Variants in MYO5A observed in about 807,000 individuals in gnomAD.
MYO5A encodes unconventional myosin-Va.
Under a neutral mutation model 249.7 loss-of-function variants are expected in MYO5A, and 98 were observed. The observed-to-expected ratio is 0.39, with a 90% confidence interval of 0.33 to 0.46. MYO5A has a LOEUF of 0.46. Among genes scored for constraint, MYO5A ranks in the 20% least tolerant of loss-of-function variants. The pLI is 0.98. For missense variants in MYO5A, 1,696 were observed against 2,308.8 expected (o/e 0.73, Z 5.44); for synonymous variants, 778 against 810.6 (o/e 0.96, Z 0.68).
chr15:52,322,905 T>C (rs1373246515), intron 37 of MYO5A, among the ~76,000 whole-genome samples: 2 of 152,080 alleles, frequency 1.3e-5, no homozygotes, highest in African/African-American at 2.4e-5. Context: ...TATGCATACA[T>C]GTGCCATGTT....
chr15:52,353,229 A>G (rs1016961277), intron 27 of MYO5A, among the ~76,000 whole-genome samples: 18 of 152,370 alleles, frequency 1.2e-4, no homozygotes, highest in African/African-American at 4.3e-4. Context: ...TTCACACTAC[A>G]GAGAATGTTT....
intron 1 of MYO5A, chr15:52,505,353 G>A: frequency 1.3e-6 from 1 of 778,832 alleles, no homozygotes; most frequent in Non-Finnish European, 2.4e-6. Flanking sequence ...CTCTATGTTG[G>A]TATAATCACA....
chr15:52,391,281 C>T (rs956897094), intron 12 of MYO5A, among the ~76,000 whole-genome samples: 4 of 152,148 alleles, frequency 2.6e-5, no homozygotes, highest in Non-Finnish European at 4.4e-5. Context: ...CTTTGGTTTG[C>T]ATTTTTTAAA....
At chr15:52,403,876 C>A (rs1162839592) in intron 9 of MYO5A, among the ~76,000 whole-genome samples, 1 of 152,066 alleles carries the variant, frequency 6.6e-6, no homozygotes. Context: ...GAAAATTACA[C>A]CTCAAATATT....
chr15:52,403,336 T>C (rs766326964), intron 9 of MYO5A, among the ~76,000 whole-genome samples: 28 of 152,216 alleles, frequency 1.8e-4, no homozygotes, highest in Non-Finnish European at 3.5e-4. Context: ...AATCAACCAG[T>C]GGATAAACAA....
intron 1 of MYO5A, among the ~76,000 whole-genome samples, chr15:52,443,836 C>T (rs1299214176): frequency 1.3e-5 from 2 of 151,622 alleles, no homozygotes; most frequent in South Asian, 2.1e-4. Flanking sequence ...AAAAAATTAA[C>T]TGGGAGTGGT....
intron 1 of MYO5A, among the ~76,000 whole-genome samples, chr15:52,440,597 C>G (rs948141606): frequency 1.6e-4 from 24 of 152,142 alleles, no homozygotes. Context: ...GGTATCTTAC[C>G]ATGATGACAA....
At chr15:52,408,237 G>T in intron 6 of MYO5A, 97 bp from the exon 7 acceptor site, 1 of 720,806 alleles carries the variant, frequency 1.4e-6, no homozygotes, top group Non-Finnish European at 2.4e-6. Flanking sequence ...TATCTCAGTT[G>T]GTTAAATAAA....
chr15:52,440,000 C>A (rs190349472), intron 1 of MYO5A, among the ~76,000 whole-genome samples: 1 of 152,330 alleles, frequency 6.6e-6, no homozygotes, highest in East Asian at 1.9e-4. Context: ...ACAGATTTAA[C>A]CTGCATAATA....
chr15:52,370,943 C>T (rs183881642), intron 21 of MYO5A, among the ~76,000 whole-genome samples: 1 of 146,718 alleles, frequency 6.8e-6, no homozygotes, highest in African/African-American at 2.8e-5. Flanking sequence ...GAGACCCCGT[C>T]TTTACAAAAA....
chr15:52,475,024 T>G (rs2076561462), intron 1 of MYO5A, among the ~76,000 whole-genome samples: 1 of 152,194 alleles, frequency 6.6e-6, no homozygotes, highest in Admixed American at 6.5e-5. Flanking sequence ...TCCTGGACTT[T>G]TTTTGGTTGG....
intron 1 of MYO5A, among the ~76,000 whole-genome samples, chr15:52,510,809 C>T (rs923570940): frequency 6.6e-6 from 1 of 152,244 alleles, no homozygotes; most frequent in African/African-American, 2.4e-5. Context: ...TTGGGGACCG[C>T]TGACCTAAGT....
rs1276349016 is a variant in MYO5A, at chr15:52,379,729, T to C, written c.2104A>G (p.Thr702Ala). 1 of 1,614,034 alleles carries C rather than the reference T, an allele frequency of 6.2e-7. No individual in the cohort carries two copies. The highest frequency in any genetic ancestry group is 1.3e-5 in the African/African-American group (1 of 74,926). Residue 702 changes from threonine to alanine, a missense_variant, in exon 18 of 42, where the codon ACT (threonine) becomes GCT (alanine). Physicochemically the swap from Thr to Ala is moderately conservative, Grantham distance 58. Around this residue, in one of 5 missense-constraint regions of MYO5A, gnomAD observed 277 missense variants for 422.4 expected, o/e 0.66. Coordinates refer to ENST00000399233, the MANE Select transcript of MYO5A (RefSeq NM_001382347.1). Reference sequence around the variant, plus strand: ...TAGCGGCTGAAAAATTCTTGGTAAGTCCACCTATTAAAAGAAAACCATCTG... The same window carrying C: ...TAGCGGCTGAAAAATTCTTGGTAAGCCCACCTATTAAAAGAAAACCATCTG... Reference protein sequence around the residue: ...ISAAGFPSRWTYQEFFSRYRV... With the variant: ...ISAAGFPSRWAYQEFFSRYRV...
chr15:52,319,119 G>C lies in MYO5A; in HGVS notation c.5175C>G (p.Thr1725=), dbSNP rs2038176178. The part of the protein sequence containing the change: ...KQMFYIIGAI[T]LNNLLLRKDM... ...CCTTCCGCAGGAGAAGGTTGTTCAG[G>C]GTGATGGCCCCTATGATGTAGAACA... The change falls in exon 39 of 42, where the codon ACC becomes ACG. Residue 1725 remains threonine (T), a synonymous_variant. Coordinates refer to ENST00000399233, the MANE Select transcript of MYO5A (RefSeq NM_001382347.1). 1 of 1,614,208 alleles carries C rather than the reference G, an allele frequency of 6.2e-7. No individual in the cohort carries two copies. The highest frequency in any genetic ancestry group is 2.2e-5 in the East Asian group (1 of 44,884).
rs578194319 is a variant in MYO5A at position 52,501,973 on chromosome 15, G to A, written c.27+26807C>T. Among the ~76,000 whole-genome samples the A allele has an allele frequency of 2.0e-5, 3 of 151,750 alleles. No homozygotes were observed. In the South Asian group the frequency reaches 6.2e-4, roughly 32 times the overall value. ...ACATTTATCCATATTAATATGAGATGCTGTTAATTATCTTTTTTAAATAGT... is the reference window on the plus strand; with the variant it reads ...ACATTTATCCATATTAATATGAGATACTGTTAATTATCTTTTTTAAATAGT... On this transcript the variant is annotated intron_variant, in intron 1 of 41. Transcript: ENST00000399233.
intron 1 of MYO5A, among the ~76,000 whole-genome samples, chr15:52,478,889 G>C (rs146610216): frequency 3.9e-5 from 6 of 152,214 alleles, no homozygotes; most frequent in African/African-American, 1.4e-4. Flanking sequence ...GTAGTACTAT[G>C]TGTACTGCAG....
chr15:52,434,293 C>T (rs907029987), intron 1 of MYO5A, among the ~76,000 whole-genome samples: 5 of 152,106 alleles, frequency 3.3e-5, no homozygotes, highest in African/African-American at 9.7e-5. Context: ...CCACCGTGCC[C>T]GGCCCACAAT....
intron 1 of MYO5A, among the ~76,000 whole-genome samples, chr15:52,472,755 G>C (rs998093247): frequency 2.0e-5 from 3 of 152,206 alleles, no homozygotes; most frequent in Non-Finnish European, 4.4e-5. Context: ...GTATTCCATG[G>C]TATACATGTG....
chr15:52,507,674 G>A (rs553793619), intron 1 of MYO5A, among the ~76,000 whole-genome samples: 1 of 151,560 alleles, frequency 6.6e-6, no homozygotes, highest in Non-Finnish European at 1.5e-5. Context: ...AAATCAGCAG[G>A]GCATAGTGGC....
Sources: allele counts gnomAD v4.1 joint callset (sites outside exome capture counted in the v4.1 genomes callset), GRCh38; gene constraint gnomAD v4.1.1; regional missense constraint gnomAD v4.1.1; transcripts MANE v1.5; gene names NCBI Gene and HGNC (gene_info 2026-07-23, HGNC 2026-07-21).